TAF13: variants seen among roughly 807,000 people sequenced by gnomAD.
The protein encoded by TAF13 is transcription initiation factor TFIID subunit 13.
In TAF13, 9 loss-of-function variants were observed where a neutral mutation model predicts 18.7. The ratio of observed to expected loss-of-function variants is 0.48; its 90% CI spans 0.29 to 0.84. TAF13 has a LOEUF of 0.84. TAF13 is among the 40% of genes least tolerant of loss of function. The probability of loss-of-function intolerance (pLI) is 0.08; values close to 1 mark genes in which losing one functional copy is unlikely to be tolerated. For missense variants in TAF13, 105 were observed against 146.5 expected, an observed-to-expected ratio of 0.72 and a Z score of 1.46; for synonymous variants, 49 against 44.1, an observed-to-expected ratio of 1.11 and a Z score of -0.44.
chr1:109,073,974 C>T (rs1397942726), intron 2 of TAF13, among the ~76,000 whole-genome samples: 1 of 151,648 alleles, frequency 6.6e-6, no homozygotes, highest in Non-Finnish European at 1.5e-5. Flanking sequence ...CGCCTCTGCC[C>T]GGCCACGACC....
intron 1 of TAF13, among the ~76,000 whole-genome samples, chr1:109,075,340 T>C (rs1664161674): frequency 6.6e-6 from 1 of 152,178 alleles, no homozygotes; most frequent in South Asian, 2.1e-4. Context: ...TTTAAACAAC[T>C]AAGGTGGCCT....
In TAF13 at chr1:109,064,610, C is replaced by T. The variant is rs750002883; in HGVS notation, c.288G>A (p.Lys96=). The T allele has an allele frequency of 1.9e-6, 3 of 1,587,100 alleles. No homozygotes were observed. The highest frequency in any genetic ancestry group is 2.6e-6 in the Non-Finnish European group (3 of 1,167,310). Residue 96 remains lysine, a synonymous_variant, in exon 4 of 4, where the codon AAG becomes AAA. Transcript: ENST00000338366. ...TAAGCAAGTCTTTAACCCTGGCAAA[C>T]TTCCTTGGGTCCTTTCGAATCAAGA... is the stretch of plus-strand genomic sequence containing the variant. ...IVFLIRKDPR[K]FARVKDLLTM...
chr1:109,069,458 G>A (rs1664013317), intron 2 of TAF13, among the ~76,000 whole-genome samples: 1 of 151,922 alleles, frequency 6.6e-6, no homozygotes, highest in Non-Finnish European at 1.5e-5. Context: ...ATAGTGACAA[G>A]GAAAAAAGTC....
chr1:109,071,283 T>C (rs879338436), intron 2 of TAF13, among the ~76,000 whole-genome samples: 58 of 151,736 alleles, frequency 3.8e-4, no homozygotes, highest in Non-Finnish European at 7.4e-4. Context: ...CTACTAAAAA[T>C]ACAAAAAATT....
At chr1:109,066,325 G>C (rs1663950607) in intron 2 of TAF13, 93 bp from the exon 3 acceptor site, 1 of 909,228 alleles carries the variant, frequency 1.1e-6, no homozygotes, top group Non-Finnish European at 1.7e-6. Flanking sequence ...CCAAGTTATA[G>C]ATAATATTGG....
At chr1:109,070,742 G>A (rs1468719279) in intron 2 of TAF13, among the ~76,000 whole-genome samples, 1 of 152,116 alleles carries the variant, frequency 6.6e-6, no homozygotes, top group Admixed American at 6.6e-5. Flanking sequence ...TCTTTCGTCA[G>A]TAACTTCTAT....
intron 2 of TAF13, among the ~76,000 whole-genome samples, chr1:109,072,946 T>C (rs1664102187): frequency 1.3e-5 from 2 of 151,778 alleles, no homozygotes; most frequent in Middle Eastern, 3.2e-3. Context: ...TTGGCCAGGC[T>C]GGTCTCGAAC....
chr1:109,067,536 G>A (rs1219144048), intron 2 of TAF13, among the ~76,000 whole-genome samples: 1 of 152,052 alleles, frequency 6.6e-6, no homozygotes, highest in African/African-American at 2.4e-5. Context: ...CTTGAATCCA[G>A]GAGGCAGAGG....
intron 3 of TAF13, among the ~76,000 whole-genome samples, chr1:109,065,740 T>C (rs1663941417): frequency 1.3e-5 from 2 of 151,994 alleles, no homozygotes; most frequent in South Asian, 4.1e-4. Flanking sequence ...CTGACCAACA[T>C]GGAGAAACCC....
Position 109,064,334 on chromosome 1 carries a change from T to TA in TAF13, c.*188dup, listed in dbSNP as rs1663914207. On this transcript the variant is annotated 3_prime_UTR_variant, in exon 4 of 4. Coordinates refer to ENST00000338366, the MANE Select transcript of TAF13 (RefSeq NM_005645.4). ...AACCCAGTAAGTAATTCAAGTATGG[T>TA]AATATAAAGGCAGGCAATTACATGC... The TA allele has an allele frequency of 2.4e-6, 1 of 417,592 alleles. No homozygotes were observed. Among genetic ancestry groups the TA allele is most frequent in the Non-Finnish European group, 4.1e-6 (1 of 245,658 alleles). 25.9% of individuals were successfully genotyped at this position (417,592 alleles called of 1,614,324 possible).
At chr1:109,071,891 G>C (rs1664059352) in intron 2 of TAF13, among the ~76,000 whole-genome samples, 1 of 149,796 alleles carries the variant, frequency 6.7e-6, no homozygotes, top group Non-Finnish European at 1.5e-5. Context: ...GGCAGAGGCT[G>C]CAGTGAGCCA....
chr1:109,069,804 T>C (rs1423454682), intron 2 of TAF13, among the ~76,000 whole-genome samples: 1 of 152,076 alleles, frequency 6.6e-6, no homozygotes, highest in Non-Finnish European at 1.5e-5. Context: ...GAGATAGACA[T>C]ATCCCTAGGG....
At chr1:109,071,126 T>C (rs964371970) in intron 2 of TAF13, among the ~76,000 whole-genome samples, 1 of 151,752 alleles carries the variant, frequency 6.6e-6, no homozygotes, top group African/African-American at 2.4e-5. Context: ...GTGAAACTTG[T>C]CTTTACTGAA....
intron 2 of TAF13, among the ~76,000 whole-genome samples, chr1:109,070,612 T>C (rs535143956): frequency 2.6e-5 from 4 of 152,238 alleles, no homozygotes; most frequent in Non-Finnish European, 5.9e-5. Flanking sequence ...CAGGCTGGTC[T>C]TGAACTCCTG....
intron 2 of TAF13, among the ~76,000 whole-genome samples, chr1:109,069,431 A>G (rs1664012207): frequency 6.6e-6 from 1 of 152,196 alleles, no homozygotes; most frequent in Non-Finnish European, 1.5e-5. Flanking sequence ...TAGTTGTTAT[A>G]CTATACTGTT....
intron 2 of TAF13, among the ~76,000 whole-genome samples, chr1:109,069,235 A>T (rs1340350037): frequency 6.6e-6 from 1 of 152,064 alleles, no homozygotes; most frequent in Non-Finnish European, 1.5e-5. Context: ...ACATGTATAC[A>T]GTTGTCCCTT....
At chr1:109,074,289 C>A (rs1209955560) in intron 2 of TAF13, among the ~76,000 whole-genome samples, 1 of 152,198 alleles carries the variant, frequency 6.6e-6, no homozygotes, top group Non-Finnish European at 1.5e-5. Context: ...CAACCCCGTG[C>A]TCTCTGAAAC....
chr1:109,074,540 A>C (rs554581913), intron 2 of TAF13, among the ~76,000 whole-genome samples: 22 of 152,150 alleles, frequency 1.4e-4, no homozygotes, highest in African/African-American at 1.9e-4. Context: ...CCCGCCAAAT[A>C]CCCCTCTCTG....
chr1:109,075,888 A>C (rs1363697164), intron 1 of TAF13, 33 bp downstream of exon 1: 18 of 1,614,066 alleles, frequency 1.1e-5, no homozygotes, highest in Non-Finnish European at 1.5e-5. Context: ...GGAGTGAAGA[A>C]AAGACAGGTT....
Sources: allele counts gnomAD v4.1 joint callset (sites outside exome capture counted in the v4.1 genomes callset), GRCh38; gene constraint gnomAD v4.1.1; transcripts MANE v1.5; gene names NCBI Gene and HGNC (gene_info 2026-07-23, HGNC 2026-07-21).